Variants in SREBF1 observed in about 807,000 individuals in gnomAD.
The protein encoded by SREBF1 is sterol regulatory element binding transcription factor 1, also known as sterol regulatory element-binding protein 1.
SREBF1 carries 45 observed loss-of-function variants against 100.1 expected under a neutral mutation model. That is an observed-to-expected ratio of 0.45 (90% CI 0.35 to 0.58). SREBF1 has a LOEUF of 0.58. SREBF1 is among the 20% of genes least tolerant of loss of function. The probability of loss-of-function intolerance (pLI) is 0.00; values close to 1 mark genes in which losing one functional copy is unlikely to be tolerated. For synonymous variants in SREBF1, 657 were observed against 681.8 expected (o/e 0.96, Z 0.57); for missense variants, 1,324 against 1,539.4 (o/e 0.86, Z 2.34).
In SREBF1 at chr17:17,814,667, C is replaced by T. The variant is rs1212081613; in HGVS notation, c.2683G>A (p.Glu895Lys). Residue 895 changes from glutamate to lysine, a missense_variant, in exon 15 of 19, where the codon GAG (glutamate) becomes AAG (lysine). Physicochemically the swap from Glu to Lys is moderately conservative, Grantham distance 56 (BLOSUM62 1). Transcript: ENST00000261646. ...TGCTCCACCAGCGGGCACAGCCGCT[C>T]AGCCGCCTCCTCATCCCGCCGCAGC... Reference protein sequence around the residue: ...HWLRRDEEAAERLCPLVEHLP... With the variant: ...HWLRRDEEAAKRLCPLVEHLP... 5 of 1,570,606 alleles carry T rather than the reference C, an allele frequency of 3.2e-6. No individual in the cohort carries two copies. Among genetic ancestry groups the T allele is most frequent in the Admixed American group, 3.6e-5 (2 of 55,294 alleles).
rs926995079 is a variant in SREBF1, at chr17:17,820,534, G to A, written c.92-13C>T. ...AGCTGAAGCATGTCTGTGAAAAGGA[G>A]AAGAGGGTGCGTGAGTGAGGCAGAG... is the stretch of plus-strand genomic sequence containing the variant. On this transcript the variant is annotated splice_polypyrimidine_tract_variant and intron_variant, in intron 1 of 18. Coordinates refer to ENST00000261646, the MANE Select transcript of SREBF1 (RefSeq NM_004176.5). 1 of 1,613,048 alleles carries A rather than the reference G, an allele frequency of 6.2e-7. No homozygotes were observed. The highest frequency in any genetic ancestry group is 1.3e-5 in the African/African-American group (1 of 74,926).
At chr17:17,831,552 C>T (rs574843165) in intron 1 of SREBF1, among the ~76,000 whole-genome samples, 14 of 152,310 alleles carry the variant, frequency 9.2e-5, no homozygotes, top group Admixed American at 5.9e-4. Context: ...GGCCCTGTTC[C>T]AGGCTCTTGG....
At chr17:17,818,047 GT>G in intron 6 of SREBF1, 131 bp from the exon 7 acceptor site, 1 of 1,041,340 alleles carries the variant, frequency 9.6e-7, no homozygotes, top group Non-Finnish European at 1.5e-6. Context: ...ATGGGGCTGG[GT>G]TAGGGCCAAA....
rs1373063604 is a variant in SREBF1, at chr17:17,836,708, C to T, written c.91+19G>A. On this transcript the variant is annotated intron_variant, in intron 1 of 18. Transcript: ENST00000261646. The stretch of plus-strand genomic sequence containing the variant: ...CGCGCCACCCGGCGCAGCTTCAAGC[C>T]CTGCCCGCCCTGACGCACCTTCGAT... The T allele has an allele frequency of 8.4e-6, 13 of 1,551,006 alleles. No homozygotes were observed. The highest frequency in any genetic ancestry group is 1.1e-5 in the Non-Finnish European group (13 of 1,155,220).
intron 16 of SREBF1, 170 bp from the exon 17 acceptor site, chr17:17,813,939 G>A (rs572905301): frequency 1.6e-4 from 122 of 770,664 alleles, no homozygotes; most frequent in Non-Finnish European, 2.3e-4. Context: ...CGCCTCTCTC[G>A]GCCCCCACAC....
chr17:17,813,020 A>C (rs2033093215), intron 18 of SREBF1, 169 bp from the exon 19 acceptor site: 1 of 632,318 alleles, frequency 1.6e-6, no homozygotes, highest in African/African-American at 1.8e-5. Flanking sequence ...CCACACACAA[A>C]GTCCACAGAC....
Position 17,812,084 on chromosome 17 carries a change from T to C in SREBF1, c.*538A>G, listed in dbSNP as rs1191631834. 2.3e-6 allele frequency: 1 copy of C among 432,064 alleles called. No individual in the cohort carries two copies. The highest frequency in any genetic ancestry group is 4.5e-6 in the Non-Finnish European group (1 of 221,300). 26.8% of individuals were successfully genotyped at this position (432,064 alleles called of 1,614,324 possible). A position where few individuals can be genotyped will look rare whatever the true frequency, so the allele number is the denominator to read the frequency against. ...GAAGACACAAAACCCAGATTATAAA[T>C]AATTTCATTTTTAATTCTCTGTACA... On this transcript the variant is annotated 3_prime_UTR_variant, in exon 19 of 19. Coordinates refer to ENST00000261646, the MANE Select transcript of SREBF1 (RefSeq NM_004176.5).
intron 1 of SREBF1, among the ~76,000 whole-genome samples, chr17:17,833,958 G>A (rs150283474): frequency 2.8e-3 from 427 of 151,590 alleles, no homozygotes; most frequent in Non-Finnish European, 4.7e-3. Flanking sequence ...GCAAAAGAGC[G>A]AGACCCTGTC....
At chr17:17,828,451 C>G (rs1398343682) in intron 1 of SREBF1, among the ~76,000 whole-genome samples, 1 of 152,230 alleles carries the variant, frequency 6.6e-6, no homozygotes, top group Non-Finnish European at 1.5e-5. Context: ...TCAGCAGCAC[C>G]TGCGAGATGG....
In SREBF1 at chr17:17,813,643, C is replaced by A; in HGVS notation, c.3028G>T (p.Glu1010Ter). The A allele has an allele frequency of 6.4e-7, 1 of 1,571,566 alleles. No individual in the cohort carries two copies. The highest frequency in any genetic ancestry group is 8.6e-7 in the Non-Finnish European group (1 of 1,165,640). Residue 1010 changes from glutamate to a stop codon, truncating the protein, a stop_gained, in exon 17 of 19, where the codon GAG becomes TAG. Transcript: ENST00000261646. LOFTEE classifies it high-confidence loss of function. ...TSSRPQASAL[E>*]LRGFQRDLSS... ...AGGTCCCGTTGGAAGCCACGCAGCT[C>A]AAGGGCGGAAGCCTGGGGCCTGCTG...
chr17:17,823,842 C>G (rs1378992044), intron 1 of SREBF1, among the ~76,000 whole-genome samples: 1 of 151,930 alleles, frequency 6.6e-6, no homozygotes, highest in Non-Finnish European at 1.5e-5. Context: ...GCGGCGGGGG[C>G]TCGAGTTTCA....
At chr17:17,829,205 A>AT (rs1555572777) in intron 1 of SREBF1, among the ~76,000 whole-genome samples, 25 of 65,838 alleles carry the variant, frequency 3.8e-4, no homozygotes, top group Middle Eastern at 6.8e-3. Context: ...AAAAAAAAAA[A>AT]ATATATATAT....
chr17:17,813,376 C>A lies in SREBF1; in HGVS notation c.3206G>T (p.Gly1069Val), dbSNP rs1184643144. 1 of 1,595,808 alleles carries A rather than the reference C, an allele frequency of 6.3e-7. No homozygotes were observed. Among genetic ancestry groups the A allele is most frequent in the Non-Finnish European group, 8.5e-7 (1 of 1,172,828 alleles). ...RSLRRRAGPG[G>V]KGGAVAELEP... is the part of the protein sequence containing the mutation. ...AGCAGCTGCCCCCTCACCTCCTTTG[C>A]CACCGGGGCCTGCCCGCCGCCTCAG... The change falls in exon 18 of 19, where the codon GGC becomes GTC. Residue 1069 changes from glycine to valine, a missense_variant. By Grantham distance (109) the Gly-to-Val change is moderately radical. Coordinates refer to ENST00000261646, the MANE Select transcript of SREBF1 (RefSeq NM_004176.5).
At position 17,813,573 on chromosome 17, in the gene SREBF1, C is replaced by T. The variant is rs376052173; in HGVS notation, c.3098G>A (p.Arg1033Gln). Residue 1033 changes from arginine (R) to glutamine (Q), a missense_variant, in exon 17 of 19, where the codon CGG (arginine) becomes CAG (glutamine). By Grantham distance (43) the Arg-to-Gln change is conservative. Transcript: ENST00000261646. Reference protein sequence around the residue: ...RLAQSFRPAMRRVFLHEATAR... With the variant: ...RLAQSFRPAMQRVFLHEATAR... ...ACAGGGCCATCGGGCACTCACCCTC[C>T]GCATGGCGGGCCGGAAGCTCTGTGC... is the stretch of plus-strand genomic sequence containing the variant. 2.3e-5 allele frequency: 37 copies of T among 1,595,904 alleles called. No individual in the cohort carries two copies. Among genetic ancestry groups the T allele is most frequent in the South Asian group, 3.4e-5 (3 of 89,148 alleles).
At chr17:17,836,082 G>A (rs2035206756) in intron 1 of SREBF1, among the ~76,000 whole-genome samples, 1 of 152,230 alleles carries the variant, frequency 6.6e-6, no homozygotes, top group Admixed American at 6.5e-5. Context: ...CTAAATACCC[G>A]TTTGGTTTCC....
chr17:17,827,247 C>A (rs1287823891), intron 1 of SREBF1, among the ~76,000 whole-genome samples: 8 of 152,166 alleles, frequency 5.3e-5, no homozygotes, highest in Non-Finnish European at 8.8e-5. Flanking sequence ...CCAAGGACCC[C>A]AATTCTCCAG....
chr17:17,816,389 G>T lies in SREBF1; in HGVS notation c.2048-16C>A. ...GTGTGCTTCCCTGGAAGGCAAGCAG[G>T]CATGAGGCTGTGGGTGGAGCACAGG... On this transcript the variant is annotated splice_polypyrimidine_tract_variant and intron_variant, in intron 10 of 18. Transcript: ENST00000261646. 6.3e-7 allele frequency: 1 copy of T among 1,593,930 alleles called. No homozygotes were observed.
chr17:17,818,547 C>A, intron 5 of SREBF1, 173 bp from the exon 6 acceptor site: 1 of 642,612 alleles, frequency 1.6e-6, no homozygotes, highest in South Asian at 1.7e-5. Context: ...CACCCACCTC[C>A]CAGGCCGGGC....
At chr17:17,820,875 C>T (rs910683755) in intron 1 of SREBF1, 11 of 366,800 alleles carry the variant, frequency 3.0e-5, no homozygotes, top group East Asian at 2.5e-4. Flanking sequence ...TCCCACCATC[C>T]GGTATTTGCC....
Sources: allele counts gnomAD v4.1 joint callset (sites outside exome capture counted in the v4.1 genomes callset), GRCh38; gene constraint gnomAD v4.1.1; transcripts MANE v1.5; gene names NCBI Gene and HGNC (gene_info 2026-07-23, HGNC 2026-07-21).